SLC1A2: variants seen among roughly 807,000 people sequenced by gnomAD.
SLC1A2 encodes the protein solute carrier family 1 member 2, also known as excitatory amino acid transporter 2.
A neutral mutation model predicts 48.8 loss-of-function variants in SLC1A2; 15 were observed. The ratio of observed to expected loss-of-function variants is 0.31; its 90% CI spans 0.21 to 0.47. The LOEUF is 0.47. Among genes scored for constraint, SLC1A2 ranks in the 20% least tolerant of loss-of-function variants. The pLI, the probability that SLC1A2 is intolerant of heterozygous loss-of-function variation, is 0.99. For synonymous variants in SLC1A2, 279 were observed against 272.6 expected (o/e 1.02, Z -0.23); for missense variants, 502 against 730.5 (o/e 0.69, Z 3.61).
chr11:35,336,578 C>G (rs1852639201), intron 1 of SLC1A2, among the ~76,000 whole-genome samples: 1 of 152,138 alleles, frequency 6.6e-6, no homozygotes, highest in Admixed American at 6.6e-5. Flanking sequence ...AAGGAACAAA[C>G]AGATAGAGTG....
intron 9 of SLC1A2, among the ~76,000 whole-genome samples, chr11:35,279,333 T>C (rs1396185768): frequency 2.0e-5 from 3 of 152,256 alleles, no homozygotes; most frequent in African/African-American, 4.8e-5. Context: ...CCCACCTTTG[T>C]GAATGGGCAG....
intron 1 of SLC1A2, among the ~76,000 whole-genome samples, chr11:35,410,741 T>C (rs1855433415): frequency 2.0e-5 from 3 of 152,072 alleles, no homozygotes; most frequent in Non-Finnish European, 4.4e-5. Context: ...AAAGGCCAAA[T>C]CTCTTTCCTC....
chr11:35,294,721 C>A (rs1313803126), intron 6 of SLC1A2, among the ~76,000 whole-genome samples: 2 of 152,038 alleles, frequency 1.3e-5, no homozygotes, highest in African/African-American at 4.8e-5. Context: ...AGGCTCTTTG[C>A]CAAAAAAAGA....
intron 5 of SLC1A2, among the ~76,000 whole-genome samples, chr11:35,305,286 C>T (rs999039871): frequency 6.6e-6 from 1 of 152,232 alleles, no homozygotes; most frequent in Non-Finnish European, 1.5e-5. Context: ...ATAATGATCA[C>T]AGCTCATACG....
At chr11:35,371,987 A>G (rs1854077516) in intron 1 of SLC1A2, among the ~76,000 whole-genome samples, 1 of 152,216 alleles carries the variant, frequency 6.6e-6, no homozygotes, top group Non-Finnish European at 1.5e-5. Flanking sequence ...ATACTCCTGG[A>G]CAATGCATGA....
chr11:35,389,391 G>GT (rs1322428603), intron 1 of SLC1A2, among the ~76,000 whole-genome samples: 2 of 149,848 alleles, frequency 1.3e-5, no homozygotes, highest in African/African-American at 2.4e-5. Flanking sequence ...TACTTCTCAG[G>GT]TTTTTGGTCT....
intron 2 of SLC1A2, 67 bp downstream of exon 2, chr11:35,317,310 C>CT: frequency 6.5e-7 from 1 of 1,546,112 alleles, no homozygotes; most frequent in Non-Finnish European, 8.8e-7. Context: ...CTGAGACCAG[C>CT]TGCCCCACAG....
chr11:35,324,773 G>A (rs190501329), intron 1 of SLC1A2, among the ~76,000 whole-genome samples: 33 of 152,208 alleles, frequency 2.2e-4, no homozygotes, highest in African/African-American at 7.2e-4. Flanking sequence ...ATGGCCTCTG[G>A]ACTTCTGTGA....
At chr11:35,367,862 C>T (rs1853905872) in intron 1 of SLC1A2, among the ~76,000 whole-genome samples, 1 of 152,126 alleles carries the variant, frequency 6.6e-6, no homozygotes, top group African/African-American at 2.4e-5. Context: ...AGATCACTAC[C>T]ATCAATAAAA....
intron 9 of SLC1A2, 83 bp downstream of exon 9, chr11:35,280,771 GGGATTAGCTAAGA>G: frequency 1.4e-6 from 1 of 726,172 alleles, no homozygotes; most frequent in East Asian, 2.9e-5. Flanking sequence ...AGTTGCCATG[GGGATTAGCTAAGA>G]TCTTGGTTGC....
chr11:35,286,486 C>T (rs1850823127), intron 8 of SLC1A2: 1 of 266,300 alleles, frequency 3.8e-6, no homozygotes, highest in Non-Finnish European at 7.0e-6. Flanking sequence ...AAAGAAATTA[C>T]CCTGCTTCCA....
Position 35,313,256 on chromosome 11 carries a change from T to G in SLC1A2, c.311-808A>C, listed in dbSNP as rs182277273. 2.0e-5 allele frequency among the ~76,000 whole-genome samples: 3 copies of G among 152,210 alleles called. No individual in the cohort carries two copies. In the South Asian group the frequency reaches 6.2e-4, roughly 32 times the overall value. On this transcript the variant is annotated intron_variant, in intron 3 of 10. Coordinates refer to ENST00000278379, the MANE Select transcript of SLC1A2 (RefSeq NM_004171.4). The stretch of plus-strand genomic sequence containing the variant: ...TTGAATATATTACTGGTAACTGACA[T>G]GGAGAGTCTGAGAATAACGATTTTG...
At chr11:35,268,207 T>C (rs757501819) in intron 9 of SLC1A2, among the ~76,000 whole-genome samples, 9 of 152,180 alleles carry the variant, frequency 5.9e-5, no homozygotes, top group African/African-American at 1.7e-4. Flanking sequence ...CTTTGACCAA[T>C]TGCAAAATTC....
chr11:35,284,886 G>A (rs990229091), intron 8 of SLC1A2, among the ~76,000 whole-genome samples: 5 of 152,330 alleles, frequency 3.3e-5, no homozygotes, highest in African/African-American at 9.6e-5. Context: ...TGAGCATGTA[G>A]AGACATCAGA....
At chr11:35,355,276 G>A (rs1252269517) in intron 1 of SLC1A2, among the ~76,000 whole-genome samples, 3 of 152,324 alleles carry the variant, frequency 2.0e-5, no homozygotes, top group Non-Finnish European at 4.4e-5. Context: ...GTCTGTGAAT[G>A]AGACCAACCA....
chr11:35,343,840 G>GCACA (rs775705068), intron 1 of SLC1A2, among the ~76,000 whole-genome samples: 1 of 149,532 alleles, frequency 6.7e-6, no homozygotes, highest in Non-Finnish European at 1.5e-5. Context: ...ACACACACAG[G>GCACA]CACACACACA....
At position 35,258,007 on chromosome 11, in the gene SLC1A2, T is replaced by G. The variant is rs777598391; in HGVS notation, c.*2887A>C. The G allele has an allele frequency of 6.6e-6, 1 of 152,256 alleles. No individual in the cohort carries two copies. 9.4% of individuals were successfully genotyped at this position (152,256 alleles called of 1,614,324 possible). ...AAATGTATTCTATTTAGATAAAGGT[T>G]ATTAGAGGTATACCCTGGATCCATT... On this transcript the variant is annotated 3_prime_UTR_variant, in exon 11 of 11. Transcript: ENST00000278379.
chr11:35,398,725 C>T (rs1202150458), intron 1 of SLC1A2, among the ~76,000 whole-genome samples: 4 of 152,146 alleles, frequency 2.6e-5, no homozygotes, highest in Admixed American at 2.0e-4. Context: ...ACAGCCCAAA[C>T]TTGAAGCACT....
Position 35,289,235 on chromosome 11 carries a change from G to A in SLC1A2, c.1092-2284C>T, listed in dbSNP as rs530167743. Among the ~76,000 whole-genome samples the A allele has an allele frequency of 8.0e-4, 121 of 152,094 alleles. 1 individual carries two copies. The Middle Eastern group carries it at 0.017, about 21-fold the overall frequency. Reference sequence around the variant, plus strand: ...GAAAAGATGTTCAACTACCCTCAACGTCTTTATTCTGTACAAGGGCCGAGG... The same window carrying A: ...GAAAAGATGTTCAACTACCCTCAACATCTTTATTCTGTACAAGGGCCGAGG... On this transcript the variant is annotated intron_variant, in intron 7 of 10. Coordinates refer to ENST00000278379, the MANE Select transcript of SLC1A2 (RefSeq NM_004171.4).
Sources: gnomAD v4.1 joint callset for allele counts (sites outside exome capture counted in the v4.1 genomes callset) on GRCh38, gnomAD v4.1.1 for gene constraint, MANE v1.5 for transcripts, NCBI Gene and HGNC (gene_info 2026-07-23, HGNC 2026-07-21) for gene names.